Variants in MTHFD1L observed in about 807,000 individuals in gnomAD.
MTHFD1L encodes the protein monofunctional C1-tetrahydrofolate synthase, mitochondrial.
A neutral mutation model predicts 119.5 loss-of-function variants in MTHFD1L; 81 were observed. The ratio of observed to expected loss-of-function variants is 0.68; its 90% CI spans 0.57 to 0.82. MTHFD1L has a LOEUF of 0.82. MTHFD1L is among the 40% of genes least tolerant of loss of function. The probability of loss-of-function intolerance (pLI) is 0.00; values close to 1 mark genes in which losing one functional copy is unlikely to be tolerated. For synonymous variants in MTHFD1L, 430 were observed against 475.2 expected (o/e 0.90, Z 1.24); for missense variants, 1,125 against 1,253.4 (o/e 0.90, Z 1.55).
intron 20 of MTHFD1L, among the ~76,000 whole-genome samples, chr6:150,977,766 A>G (rs536563230): frequency 7.9e-5 from 12 of 152,268 alleles, no homozygotes; most frequent in Non-Finnish European, 1.8e-4. Context: ...GCAGAATGCA[A>G]TTGTGTATCC....
intron 11 of MTHFD1L, among the ~76,000 whole-genome samples, chr6:150,933,888 A>T (rs753804118): frequency 6.6e-6 from 1 of 152,178 alleles, no homozygotes; most frequent in East Asian, 1.9e-4. Context: ...AAGTGCTAGG[A>T]TTACAAGCAT....
intron 7 of MTHFD1L, among the ~76,000 whole-genome samples, chr6:150,895,612 G>GTTT (rs1562335007): frequency 2.1e-5 from 2 of 97,452 alleles, no homozygotes; most frequent in East Asian, 4.9e-4. Context: ...GGTTTTTTGT[G>GTTT]GTTTTTTTTT....
At chr6:150,997,572 C>T (rs1451953954) in intron 20 of MTHFD1L, among the ~76,000 whole-genome samples, 1 of 151,968 alleles carries the variant, frequency 6.6e-6, no homozygotes, top group African/African-American at 2.4e-5. Context: ...GTGGATGCCT[C>T]GAGCCCAGGA....
intron 24 of MTHFD1L, among the ~76,000 whole-genome samples, chr6:151,030,506 G>A (rs1785193832): frequency 1.3e-5 from 2 of 152,220 alleles, no homozygotes; most frequent in East Asian, 1.9e-4. Context: ...TCTTAAAAAA[G>A]GTTGTTCCTT....
chr6:150,926,152 A>C lies in MTHFD1L; in HGVS notation c.1113A>C (p.Pro371=). ...SDIEISRGQT[P]KAVDVLAKEI... The stretch of plus-strand genomic sequence containing the variant: ...TTGAGATTTCAAGAGGACAAACTCC[A>C]AAAGCTGTGGATGTCCTTGCCAAGG... Residue 371 remains proline, a synonymous_variant, in exon 11 of 28, where the codon CCA becomes CCC. Coordinates refer to ENST00000367321, the MANE Select transcript of MTHFD1L (RefSeq NM_015440.5). This position sits in a 1 kb window ranked among gnomAD's most constrained non-coding sequence, Gnocchi z 4.3. The C allele has an allele frequency of 6.2e-7, 1 of 1,614,042 alleles. No individual in the cohort carries two copies. The highest frequency in any genetic ancestry group is 8.5e-7 in the Non-Finnish European group (1 of 1,179,946).
At chr6:151,065,536 G>A (rs983951761) in intron 26 of MTHFD1L, among the ~76,000 whole-genome samples, 1 of 152,204 alleles carries the variant, frequency 6.6e-6, no homozygotes, top group Non-Finnish European at 1.5e-5. Flanking sequence ...CAGCCTTCTG[G>A]CATTTGTGCT....
chr6:150,873,698 T>TCG (rs1779928599), intron 1 of MTHFD1L, among the ~76,000 whole-genome samples: 1 of 152,060 alleles, frequency 6.6e-6, no homozygotes, highest in African/African-American at 2.4e-5. Context: ...AGACAGAGTC[T>TCG]CGCTCTGTCA....
In MTHFD1L at chr6:150,971,478, C is replaced by T. The variant is rs143215357; in HGVS notation, c.2014-469C>T. ...CCTCCCAAAGTACGGGGATTACAGG[C>T]GTGAGTCACTGTGCCCAGCCAATTG... is the stretch of plus-strand genomic sequence containing the variant. On this transcript the variant is annotated intron_variant, in intron 19 of 27. Transcript: ENST00000367321. Among the ~76,000 whole-genome samples, 638 of 152,236 alleles carry T rather than the reference C, an allele frequency of 4.2e-3. 2 individuals are homozygous for T. Among genetic ancestry groups the T allele is most frequent in the Non-Finnish European group, 5.2e-3 (355 of 68,024 alleles).
chr6:151,031,419 C>T (rs1337154220), intron 24 of MTHFD1L, among the ~76,000 whole-genome samples: 1 of 152,184 alleles, frequency 6.6e-6, no homozygotes, highest in African/African-American at 2.4e-5. Flanking sequence ...CCAGTGAATC[C>T]CTGTCCTCTG....
At position 151,009,756 on chromosome 6, in the gene MTHFD1L, A is replaced by C. The variant is rs1781960079; in HGVS notation, c.2126-63A>C. On this transcript the variant is annotated intron_variant, in intron 20 of 27. Coordinates refer to ENST00000367321, the MANE Select transcript of MTHFD1L (RefSeq NM_015440.5). ...CCTTTGAGCTCGAATCATAGTGGTG[A>C]TTGCCAAAACCTACCTTTGTTTTTA... 3.8e-6 allele frequency: 6 copies of C among 1,589,142 alleles called. No individual in the cohort carries two copies. In the Admixed American group the frequency reaches 1.0e-4, roughly 28 times the overall value.
Position 150,965,035 on chromosome 6 carries a change from G to A in MTHFD1L, c.2011G>A (p.Glu671Lys). The change falls in exon 19 of 28, where the codon GAA (glutamate) becomes AAA (lysine). Residue 671 changes from glutamate (E) to lysine (K), a missense_variant and splice_region_variant. This residue lies in a region of MTHFD1L where 1,058 missense variants were observed against 1,151.2 expected (regional missense o/e 0.92). Coordinates refer to ENST00000367321, the MANE Select transcript of MTHFD1L (RefSeq NM_015440.5). The stretch of plus-strand genomic sequence containing the variant: ...AAAACCAAACCTGATGCAGACCCTG[G>A]AAGTAAGTGGTTTTCTTCTTATAGT... ...AIKPNLMQTLEGTPVFVHAGP... is the reference protein window; with the variant it reads ...AIKPNLMQTLKGTPVFVHAGP... The A allele has an allele frequency of 1.2e-6, 2 of 1,613,772 alleles. No homozygotes were observed. The highest frequency in any genetic ancestry group is 1.1e-5 in the South Asian group (1 of 91,074).
intron 24 of MTHFD1L, among the ~76,000 whole-genome samples, chr6:151,033,911 C>T (rs1403691338): frequency 6.6e-6 from 1 of 152,166 alleles, no homozygotes; most frequent in East Asian, 1.9e-4. Context: ...CGTGATGGCT[C>T]ATGCCTGTAA....
chr6:151,002,114 T>G (rs1404919485), intron 20 of MTHFD1L, among the ~76,000 whole-genome samples: 2 of 152,170 alleles, frequency 1.3e-5, no homozygotes, highest in African/African-American at 4.8e-5. Context: ...GTACCAAGTG[T>G]TAAGATTTTC....
chr6:150,912,184 G>A (rs1281293125), intron 8 of MTHFD1L, among the ~76,000 whole-genome samples: 2 of 152,098 alleles, frequency 1.3e-5, no homozygotes, highest in African/African-American at 4.8e-5. Context: ...TTGAACATGA[G>A]ATTTGGTGGA....
At chr6:151,034,179 G>T (rs1385640387) in intron 24 of MTHFD1L, among the ~76,000 whole-genome samples, 1 of 150,844 alleles carries the variant, frequency 6.6e-6, no homozygotes, top group Non-Finnish European at 1.5e-5. Context: ...AAAAAAAAAA[G>T]AAATTATAGT....
intron 7 of MTHFD1L, among the ~76,000 whole-genome samples, chr6:150,896,544 T>G (rs1327196751): frequency 6.6e-6 from 1 of 152,208 alleles, no homozygotes; most frequent in Admixed American, 6.5e-5. Context: ...AGGTCATCAG[T>G]AGCCCAGGTC....
intron 11 of MTHFD1L, among the ~76,000 whole-genome samples, chr6:150,929,922 C>T (rs1790730872): frequency 6.6e-6 from 1 of 152,018 alleles, no homozygotes; most frequent in South Asian, 2.1e-4. Context: ...TATATGTATG[C>T]ATTTGTGGCA....
At chr6:151,053,657 G>A (rs543317379) in intron 26 of MTHFD1L, among the ~76,000 whole-genome samples, 2 of 152,136 alleles carry the variant, frequency 1.3e-5, no homozygotes, top group Middle Eastern at 3.4e-3. Flanking sequence ...GTCGGGAATT[G>A]AAGACCAAAC....
At chr6:150,889,659 G>A (rs542246075) in intron 7 of MTHFD1L, among the ~76,000 whole-genome samples, 4 of 152,332 alleles carry the variant, frequency 2.6e-5, no homozygotes, top group Middle Eastern at 3.4e-3. Context: ...TAAAAGACAC[G>A]TGAAAAGCTG....
Sources: allele counts gnomAD v4.1 joint callset (sites outside exome capture counted in the v4.1 genomes callset), GRCh38; gene constraint gnomAD v4.1.1; regional missense constraint gnomAD v4.1.1; non-coding constraint Gnocchi (gnomAD v3.1); transcripts MANE v1.5; gene names NCBI Gene and HGNC (gene_info 2026-07-23, HGNC 2026-07-21).